The following PRKG1 variants were observed in gnomAD, a reference collection of about 807,000 sequenced individuals.
PRKG1 encodes the protein cGMP-dependent protein kinase 1.
In PRKG1, 35 loss-of-function variants were observed where a neutral mutation model predicts 88.1. That is an observed-to-expected ratio of 0.40 (90% CI 0.30 to 0.53). PRKG1 has a LOEUF of 0.53. Among genes scored for constraint, PRKG1 ranks in the 20% least tolerant of loss-of-function variants. The pLI is 0.59. For missense variants in PRKG1, 540 were observed against 839.8 expected, an observed-to-expected ratio of 0.64 and a Z score of 4.41; for synonymous variants, 303 against 292.5, an observed-to-expected ratio of 1.04 and a Z score of -0.37.
chr10:51,443,121 A>G (rs916358197), intron 2 of PRKG1, among the ~76,000 whole-genome samples: 2 of 143,944 alleles, frequency 1.4e-5, no homozygotes, highest in Non-Finnish European at 2.9e-5. Context: ...TCTTTAGCGA[A>G]TACAGCTTAT....
chr10:51,501,312 T>C (rs1841017355), intron 3 of PRKG1, among the ~76,000 whole-genome samples: 1 of 152,138 alleles, frequency 6.6e-6, no homozygotes, highest in African/African-American at 2.4e-5. Flanking sequence ...ATAAATTATA[T>C]TTTTGAGATC....
intron 7 of PRKG1, among the ~76,000 whole-genome samples, chr10:52,098,701 G>A (rs1352493582): frequency 6.6e-6 from 1 of 152,204 alleles, no homozygotes; most frequent in Non-Finnish European, 1.5e-5. Flanking sequence ...AAATACATAG[G>A]AGAGTGCCTA....
intron 2 of PRKG1, among the ~76,000 whole-genome samples, chr10:51,188,298 G>T (rs1837546094): frequency 6.6e-6 from 1 of 151,908 alleles, no homozygotes; most frequent in East Asian, 1.9e-4. Context: ...AGTAACTTTA[G>T]AAATACATGA....
intron 2 of PRKG1, among the ~76,000 whole-genome samples, chr10:51,260,444 T>A (rs12254638): frequency 0.13 from 19,313 of 152,068 alleles, 1,531 homozygotes; most frequent in African/African-American, 0.22. Flanking sequence ...TAAAAAAAAA[T>A]TTTTTATTCT....
chr10:52,270,806 C>T (rs1354674991), intron 10 of PRKG1, among the ~76,000 whole-genome samples: 1 of 151,610 alleles, frequency 6.6e-6, no homozygotes, highest in African/African-American at 2.4e-5. Context: ...ACCAACATGG[C>T]ACATGTATAC....
chr10:51,130,760 G>A (rs188973959), intron 1 of PRKG1, among the ~76,000 whole-genome samples: 8 of 151,838 alleles, frequency 5.3e-5, no homozygotes, highest in South Asian at 2.1e-4. Flanking sequence ...ATAATCAACC[G>A]GGCATGGTGG....
At chr10:51,658,747 C>T (rs551772009) in intron 3 of PRKG1, among the ~76,000 whole-genome samples, 26 of 152,058 alleles carry the variant, frequency 1.7e-4, no homozygotes, top group Non-Finnish European at 2.6e-4. Context: ...TAACTTCTGG[C>T]GGTTTTCACT....
At chr10:51,852,269 T>C (rs929135543) in intron 4 of PRKG1, among the ~76,000 whole-genome samples, 1 of 149,436 alleles carries the variant, frequency 6.7e-6, no homozygotes, top group African/African-American at 2.5e-5. Flanking sequence ...ATATATGTAA[T>C]AACTTAGATT....
At chr10:51,853,201 C>T (rs77808690) in intron 4 of PRKG1, among the ~76,000 whole-genome samples, 27 of 152,188 alleles carry the variant, frequency 1.8e-4, no homozygotes, top group African/African-American at 4.1e-4. Context: ...ACAGTACTGA[C>T]GTGATGTTTT....
intron 3 of PRKG1, among the ~76,000 whole-genome samples, chr10:51,477,453 T>G (rs1195790626): frequency 6.6e-6 from 1 of 151,764 alleles, no homozygotes; most frequent in Non-Finnish European, 1.5e-5. Context: ...CGAGCATTTG[T>G]GTCCAGAAGC....
chr10:52,084,878 C>T (rs578136249), intron 7 of PRKG1, among the ~76,000 whole-genome samples: 95 of 151,928 alleles, frequency 6.3e-4, no homozygotes, highest in Non-Finnish European at 1.3e-3. Context: ...GCTTAGGTAT[C>T]CTTTAATCTG....
intron 10 of PRKG1, among the ~76,000 whole-genome samples, chr10:52,269,151 C>A (rs1361268854): frequency 1.3e-5 from 2 of 151,994 alleles, no homozygotes; most frequent in Non-Finnish European, 2.9e-5. Context: ...GCACAACAGT[C>A]CTCACTAGTT....
chr10:51,021,535 T>G (rs1291628394), intron 1 of PRKG1, among the ~76,000 whole-genome samples: 1 of 152,216 alleles, frequency 6.6e-6, no homozygotes. Context: ...GCACAAATTC[T>G]TTCTAGCTAG....
At chr10:51,480,476 C>T (rs1430442232) in intron 3 of PRKG1, among the ~76,000 whole-genome samples, 1 of 151,788 alleles carries the variant, frequency 6.6e-6, no homozygotes, top group East Asian at 1.9e-4. Context: ...TTACTGTGTT[C>T]TCCATACCGT....
rs2132190888 is a variant in PRKG1 at position 51,277,116 on chromosome 10, T to C, written c.478+123786T>C. ...TTAGGTCTAACGTTTAAGTCTTTAA[T>C]CCATATTGAATTAATTTTTGTATAA... is the stretch of plus-strand genomic sequence containing the variant. On this transcript the variant is annotated intron_variant, in intron 2 of 17. Coordinates refer to ENST00000373980, the MANE Select transcript of PRKG1 (RefSeq NM_006258.4). Among the ~76,000 whole-genome samples, 2 of 152,370 alleles carry C rather than the reference T, an allele frequency of 1.3e-5. 1 individual carries two copies. The highest frequency in any genetic ancestry group is 4.1e-4 in the South Asian group (2 of 4,830).
intron 3 of PRKG1, among the ~76,000 whole-genome samples, chr10:51,704,227 TGATA>T (rs371389083): frequency 0.015 from 2,216 of 143,424 alleles, 65 homozygotes; most frequent in African/African-American, 0.059. Context: ...AGCTGATAGA[TGATA>T]GATAGACAGA....
Position 52,114,868 on chromosome 10 carries a change from GGC to G in PRKG1, c.936-18971_936-18970del, listed in dbSNP as rs1401351706. 2.6e-3 allele frequency among the ~76,000 whole-genome samples: 395 copies of G among 152,208 alleles called. 5 individuals are homozygous for G. The highest frequency in any genetic ancestry group is 8.9e-3 in the African/African-American group (370 of 41,544). On this transcript the variant is annotated intron_variant, in intron 7 of 17. Coordinates refer to ENST00000373980, the MANE Select transcript of PRKG1 (RefSeq NM_006258.4). The stretch of plus-strand genomic sequence containing the variant: ...AGCACGTCAGCATTCATAGAGAAGT[GGC>G]TGTGAATGGAGCATTGTAAAGGAAA...
intron 5 of PRKG1, among the ~76,000 whole-genome samples, chr10:51,995,679 T>C (rs1844421656): frequency 6.6e-6 from 1 of 152,044 alleles, no homozygotes; most frequent in Non-Finnish European, 1.5e-5. Flanking sequence ...CAGGATCTGG[T>C]GGATTAGGTT....
intron 1 of PRKG1, among the ~76,000 whole-genome samples, chr10:51,008,443 A>G (rs1427374811): frequency 2.6e-5 from 4 of 152,200 alleles, no homozygotes; most frequent in African/African-American, 4.8e-5. Context: ...CAGCAGAGCC[A>G]TGCTCTTTCT....
Sources: allele counts gnomAD v4.1 joint callset (sites outside exome capture counted in the v4.1 genomes callset), GRCh38; gene constraint gnomAD v4.1.1; transcripts MANE v1.5; gene names NCBI Gene and HGNC (gene_info 2026-07-23, HGNC 2026-07-21).